BSPRY: variants seen among roughly 807,000 people sequenced by gnomAD.
BSPRY encodes B box and SPRY domain-containing protein.
BSPRY carries 33 observed loss-of-function variants against 38.0 expected under a neutral mutation model. That is an observed-to-expected ratio of 0.87 (90% CI 0.66 to 1.16). BSPRY has a LOEUF of 1.16. Among genes scored for constraint, BSPRY ranks in the 50% most tolerant of loss-of-function variants. BSPRY has a pLI of 0.00. For missense variants in BSPRY, 523 were observed against 533.2 expected (o/e 0.98, Z 0.19); for synonymous variants, 224 against 228.5 (o/e 0.98, Z 0.18).
rs1230369450 is a variant in BSPRY at position 113,349,671 on chromosome 9, G to T, written c.92G>T (p.Trp31Leu). ...LCPEHGQALS[W>L]FCGSERRPVC... ...CCCGAACACGGCCAGGCTCTGAGCT[G>T]GTTCTGCGGCTCCGAGCGACGGCCC... The change falls in exon 1 of 6, where the codon TGG becomes TTG. Residue 31 changes from tryptophan to leucine, a missense_variant. Transcript: ENST00000374183. 1.6e-6 allele frequency: 2 copies of T among 1,242,748 alleles called. No individual in the cohort carries two copies. The highest frequency in any genetic ancestry group is 2.0e-6 in the Non-Finnish European group (2 of 992,334). The allele number at this position is 1,242,748 out of a possible 1,614,324, so 77.0% of individuals were successfully genotyped here. A position where few individuals can be genotyped will look rare whatever the true frequency, so the allele number is the denominator to read the frequency against.
At chr9:113,356,378 G>A (rs773544154) in intron 2 of BSPRY, among the ~76,000 whole-genome samples, 4 of 152,080 alleles carry the variant, frequency 2.6e-5, no homozygotes, top group African/African-American at 4.8e-5. Context: ...GGTGGCGGGC[G>A]CCTGTATTCT....
At chr9:113,354,525 G>C (rs1307172241) in intron 2 of BSPRY, among the ~76,000 whole-genome samples, 187 bp downstream of exon 2, 2 of 152,048 alleles carry the variant, frequency 1.3e-5, no homozygotes, top group African/African-American at 4.8e-5. Flanking sequence ...TACCATACTT[G>C]GTGCAAAGAC....
At chr9:113,357,094 C>T (rs1403045425) in intron 2 of BSPRY, among the ~76,000 whole-genome samples, 2 of 152,136 alleles carry the variant, frequency 1.3e-5, no homozygotes, top group Non-Finnish European at 1.5e-5. Context: ...AAAGACTGAG[C>T]CCTAGGGCAC....
In BSPRY at chr9:113,369,971, G is replaced by A; in HGVS notation, c.1038G>A (p.Gly346=). 4.3e-6 allele frequency: 7 copies of A among 1,614,146 alleles called. No homozygotes were observed. The highest frequency in any genetic ancestry group is 5.9e-6 in the Non-Finnish European group (7 of 1,180,034). Residue 346 remains glycine (G), a synonymous_variant, in exon 6 of 6, where the codon GGG becomes GGA. Coordinates refer to ENST00000374183, the MANE Select transcript of BSPRY (RefSeq NM_017688.3). ...ACAATGGGCAGCACGAGCCCCTGGGGCTGCTGCGGGGCCCAGCCCAGCTGG... is the reference window on the plus strand; with the variant it reads ...ACAATGGGCAGCACGAGCCCCTGGGACTGCTGCGGGGCCCAGCCCAGCTGG... ...FSHNGQHEPL[G]LLRGPAQLGV... is the part of the protein sequence containing the mutation.
intron 3 of BSPRY, among the ~76,000 whole-genome samples, 179 bp from the exon 4 acceptor site, chr9:113,362,174 GGTGTGTGTGTGTGTGT>G (rs10600721): frequency 7.8e-5 from 11 of 141,342 alleles, no homozygotes; most frequent in Middle Eastern, 3.6e-3. Context: ...ATGTGTTATG[GGTGTGTGTGTGTGTGT>G]GTGTGTGTGT....
chr9:113,351,448 C>G (rs1461422094), intron 1 of BSPRY, among the ~76,000 whole-genome samples: 2 of 152,222 alleles, frequency 1.3e-5, no homozygotes, highest in African/African-American at 4.8e-5. Flanking sequence ...TTTTCAGAAG[C>G]CTTCTCAGTG....
chr9:113,349,584 C>T lies in BSPRY; in HGVS notation c.5C>T (p.Ser2Phe). ...GCACGGGGCGGGCGCACGGCCATGT[C>T]CGCCGAGGGCGCGGAGCCGGGGCCG... Reference protein sequence around the residue: MSAEGAEPGPGS... With the variant: MFAEGAEPGPGS... Residue 2 changes from serine to phenylalanine, a missense_variant, in exon 1 of 6, where the codon TCC (serine) becomes TTC (phenylalanine). Ser to Phe is a radical substitution (Grantham distance 155). Transcript: ENST00000374183. The T allele has an allele frequency of 2.6e-6, 3 of 1,169,676 alleles. No individual in the cohort carries two copies. Among genetic ancestry groups the T allele is most frequent in the South Asian group, 8.1e-5 (2 of 24,664 alleles). 72.5% of individuals were successfully genotyped at this position (1,169,676 alleles called of 1,614,324 possible).
intron 4 of BSPRY, 39 bp from the exon 5 acceptor site, chr9:113,368,220 A>AC: frequency 6.2e-7 from 1 of 1,605,598 alleles, no homozygotes; most frequent in Middle Eastern, 1.7e-4. Flanking sequence ...TATTTCCAGA[A>AC]CCATCCTGAA....
intron 1 of BSPRY, among the ~76,000 whole-genome samples, chr9:113,353,656 TC>T (rs1277929544): frequency 6.6e-6 from 1 of 151,980 alleles, no homozygotes; most frequent in African/African-American, 2.4e-5. Flanking sequence ...TGAGCCGAGA[TC>T]GCACCACTGC....
At position 113,370,936 on chromosome 9, in the gene BSPRY, C is replaced by CG. The variant is rs1289640070; in HGVS notation, c.*799dup. Reference sequence around the variant, plus strand: ...TGCTCCTGGCCAGAGGACTCTGTCCCGGGGGACCGTGTCCTCCCCCATGTC... The same window carrying CG: ...TGCTCCTGGCCAGAGGACTCTGTCCCGGGGGGACCGTGTCCTCCCCCATGTC... On this transcript the variant is annotated 3_prime_UTR_variant, in exon 6 of 6. Transcript: ENST00000374183. The surrounding 1 kb of genome is among the most constrained non-coding windows in gnomAD (Gnocchi z 4.8). 1 of 152,216 alleles carries CG rather than the reference C, an allele frequency of 6.6e-6. No homozygotes were observed. Among genetic ancestry groups the CG allele is most frequent in the Non-Finnish European group, 1.5e-5 (1 of 68,040 alleles). The allele number at this position is 152,216 out of a possible 1,614,324, so 9.4% of individuals were successfully genotyped here.
intron 2 of BSPRY, among the ~76,000 whole-genome samples, chr9:113,356,280 G>A (rs189299795): frequency 2.6e-5 from 4 of 152,190 alleles, no homozygotes; most frequent in South Asian, 2.1e-4. Flanking sequence ...TGAGGCGGGT[G>A]GATCACGAGG....
chr9:113,352,104 C>T (rs1833981514), intron 1 of BSPRY, among the ~76,000 whole-genome samples: 1 of 152,208 alleles, frequency 6.6e-6, no homozygotes, highest in African/African-American at 2.4e-5. Context: ...AGCCACCGTG[C>T]CCGGCCAGCT....
chr9:113,362,174 GGTGTGTGTGTGTGTGTGT>G (rs10600721), intron 3 of BSPRY, among the ~76,000 whole-genome samples, 177 bp from the exon 4 acceptor site: 4 of 141,248 alleles, frequency 2.8e-5, no homozygotes, highest in East Asian at 2.1e-4. Context: ...ATGTGTTATG[GGTGTGTGTGTGTGTGTGT>G]GTGTGTGTGT....
chr9:113,366,236 C>G (rs1397282001), intron 4 of BSPRY, among the ~76,000 whole-genome samples: 1 of 152,186 alleles, frequency 6.6e-6, no homozygotes, highest in Non-Finnish European at 1.5e-5. Context: ...TTGCTCAGTC[C>G]TACAATACAT....
At chr9:113,352,407 G>C (rs1201281211) in intron 1 of BSPRY, among the ~76,000 whole-genome samples, 1 of 152,086 alleles carries the variant, frequency 6.6e-6, no homozygotes, top group African/African-American at 2.4e-5. Flanking sequence ...CAAAGTAAGA[G>C]ATTGGGTGAG....
intron 1 of BSPRY, 117 bp downstream of exon 1, chr9:113,349,897 C>T (rs1833944418): frequency 4.3e-6 from 5 of 1,171,008 alleles, no homozygotes; most frequent in South Asian, 8.7e-5. Flanking sequence ...GGCCCCGGAG[C>T]CTAGGCTCCT....
chr9:113,365,108 G>A (rs1473051667), intron 4 of BSPRY, among the ~76,000 whole-genome samples: 1 of 151,940 alleles, frequency 6.6e-6, no homozygotes, highest in Admixed American at 6.6e-5. Context: ...CATATCTGGG[G>A]GCACATGATG....
intron 1 of BSPRY, among the ~76,000 whole-genome samples, chr9:113,350,277 C>G (rs1173701907): frequency 6.6e-6 from 1 of 152,142 alleles, no homozygotes; most frequent in East Asian, 1.9e-4. Context: ...CCCTTAACCC[C>G]TGGACTCAAA....
intron 2 of BSPRY, 81 bp from the exon 3 acceptor site, chr9:113,360,426 T>G: frequency 7.5e-7 from 1 of 1,341,902 alleles, no homozygotes; most frequent in Non-Finnish European, 1.0e-6. Flanking sequence ...TCAACACTCC[T>G]TTCCACTGAG....
Sources: allele counts gnomAD v4.1 joint callset (sites outside exome capture counted in the v4.1 genomes callset), GRCh38; gene constraint gnomAD v4.1.1; non-coding constraint Gnocchi (gnomAD v3.1); transcripts MANE v1.5; gene names NCBI Gene and HGNC (gene_info 2026-07-23, HGNC 2026-07-21).